HS6ST2: variants seen among roughly 807,000 people sequenced by gnomAD.
HS6ST2 encodes the protein heparan-sulfate 6-O-sulfotransferase 2.
In HS6ST2, 17 loss-of-function variants were observed where a neutral mutation model predicts 33.0. The observed-to-expected ratio is 0.52, with a 90% CI of 0.35 to 0.77. The LOEUF (loss-of-function observed/expected upper bound fraction) is 0.77, where lower values mean the gene tolerates loss of function less well. HS6ST2 is among the 30% of genes least tolerant of loss of function. The probability of loss-of-function intolerance (pLI) is 0.01; values close to 1 mark genes in which losing one functional copy is unlikely to be tolerated. For synonymous variants in HS6ST2, 248 were observed against 237.1 expected (o/e 1.05, Z -0.42); for missense variants, 519 against 551.7 (o/e 0.94, Z 0.59).
chrX:132,742,914 A>T (rs1490035622), intron 2 of HS6ST2, among the ~76,000 whole-genome samples: 1 of 111,959 alleles, frequency 8.9e-6, no homozygotes, highest in Non-Finnish European at 1.9e-5. Context: ...ATGCCTCCAG[A>T]TGACCAGCAG....
At chrX:132,669,270 T>G (rs1322758806) in intron 3 of HS6ST2, 71 bp from the exon 4 acceptor site, 1 of 928,824 alleles carries the variant, frequency 1.1e-6, no homozygotes, top group African/African-American at 2.0e-5. Context: ...ATTAGTCACT[T>G]CATTTAAAGA....
chrX:132,745,899 T>G, intron 2 of HS6ST2, among the ~76,000 whole-genome samples: 1 of 112,239 alleles, frequency 8.9e-6, no homozygotes. Flanking sequence ...TATCAGTTTC[T>G]GTTTTTTTCT....
chrX:132,641,884 A>G (rs1462082418), intron 4 of HS6ST2, among the ~76,000 whole-genome samples: 11 of 112,327 alleles, frequency 9.8e-5, no homozygotes, highest in African/African-American at 3.6e-4. Flanking sequence ...GAGGGATCCA[A>G]TTCTGTGGTT....
chrX:132,671,941 A>G (rs1397052534), intron 3 of HS6ST2, among the ~76,000 whole-genome samples: 1 of 111,682 alleles, frequency 9.0e-6, no homozygotes, highest in African/African-American at 3.3e-5. Context: ...TGTACTAATG[A>G]CTGTGGTATA....
At chrX:132,880,404 C>T (rs1490833109) in intron 2 of HS6ST2, among the ~76,000 whole-genome samples, 1 of 108,868 alleles carries the variant, frequency 9.2e-6, no homozygotes, top group Non-Finnish European at 1.9e-5. Flanking sequence ...GGCGTGGTGG[C>T]ATGCACCTGT....
At chrX:132,668,582 G>A (rs1409229037) in intron 4 of HS6ST2, among the ~76,000 whole-genome samples, 1 of 111,413 alleles carries the variant, frequency 9.0e-6, no homozygotes, top group African/African-American at 3.3e-5. Flanking sequence ...GCTTCATGTA[G>A]GACTTGGTGC....
intron 3 of HS6ST2, among the ~76,000 whole-genome samples, chrX:132,707,971 G>A (rs2064199521): frequency 1.8e-5 from 2 of 111,522 alleles, no homozygotes; most frequent in Middle Eastern, 4.6e-3. Context: ...GCAAGTCTAC[G>A]TATTTACATA....
chrX:132,793,248 A>G (rs1344908313), intron 2 of HS6ST2, among the ~76,000 whole-genome samples: 2 of 107,406 alleles, frequency 1.9e-5, no homozygotes, highest in Non-Finnish European at 3.8e-5. Flanking sequence ...TTTAGTAGAG[A>G]TGGGGTTTCA....
At chrX:132,739,204 C>T (rs1012867361) in intron 2 of HS6ST2, among the ~76,000 whole-genome samples, 3 of 111,373 alleles carry the variant, frequency 2.7e-5, no homozygotes, top group Non-Finnish European at 5.6e-5. Context: ...TTGCCAGAGG[C>T]GGTGAGCAAG....
Position 132,957,241 on chromosome X carries a change from C to G in HS6ST2, c.514G>C (p.Val172Leu). 1 of 1,200,699 alleles carries G rather than the reference C, an allele frequency of 8.3e-7. No homozygotes were observed. Among genetic ancestry groups the G allele is most frequent in the Non-Finnish European group, 1.1e-6 (1 of 889,509 alleles). ...AGCTGGCATTCTGTGCCGGGGCACACGTATTGGAGGACGATCACGGCAAAT... is the reference window on the plus strand; with the variant it reads ...AGCTGGCATTCTGTGCCGGGGCACAGGTATTGGAGGACGATCACGGCAAAT... ...FLFAVIVLQY[V>L]CPGTECQLLR... The change falls in exon 2 of 5, where the codon GTG becomes CTG. Residue 172 changes from valine to leucine, a missense_variant. Coordinates refer to ENST00000370833, the MANE Select transcript of HS6ST2 (RefSeq NM_001394073.1).
chrX:132,788,294 A>G (rs1277159966), intron 2 of HS6ST2, among the ~76,000 whole-genome samples: 2 of 111,556 alleles, frequency 1.8e-5, no homozygotes, highest in Admixed American at 9.6e-5. Flanking sequence ...CATTATTACT[A>G]TATCTGTTAT....
At chrX:132,879,389 C>T (rs2066142042) in intron 2 of HS6ST2, among the ~76,000 whole-genome samples, 1 of 111,815 alleles carries the variant, frequency 8.9e-6, no homozygotes, top group South Asian at 3.8e-4. Context: ...AAACTGTAAC[C>T]CATTTCAGGC....
intron 2 of HS6ST2, among the ~76,000 whole-genome samples, chrX:132,805,358 G>A (rs2065271299): frequency 9.0e-6 from 1 of 111,251 alleles, no homozygotes; most frequent in African/African-American, 3.3e-5. Flanking sequence ...GGAAATGAGA[G>A]GAGGGGAGAA....
rs1158422241 is a variant in HS6ST2, at chrX:132,885,932, CAAAGAA to C, written c.947+70870_947+70875del. On this transcript the variant is annotated intron_variant, in intron 2 of 4. Coordinates refer to ENST00000370833, the MANE Select transcript of HS6ST2 (RefSeq NM_001394073.1). Reference sequence around the variant, plus strand: ...AGAAACTACCAAACAAACAAACAAACAAAGAAAAACAGCAACAACACCAACCATCAG... The same window carrying C: ...AGAAACTACCAAACAAACAAACAAACAAACAGCAACAACACCAACCATCAG... Among the ~76,000 whole-genome samples, 18 of 111,800 alleles carry C rather than the reference CAAAGAA, an allele frequency of 1.6e-4. No individual in the cohort carries two copies. The East Asian group carries it at 5.1e-3, about 31-fold the overall frequency.
intron 2 of HS6ST2, among the ~76,000 whole-genome samples, chrX:132,755,146 T>C (rs2064747026): frequency 8.9e-6 from 1 of 112,594 alleles, no homozygotes; most frequent in Non-Finnish European, 1.9e-5. Flanking sequence ...GATGTGTCTA[T>C]CATCCATTTA....
At chrX:132,912,690 T>C (rs745446051) in intron 2 of HS6ST2, among the ~76,000 whole-genome samples, 4 of 112,092 alleles carry the variant, frequency 3.6e-5, no homozygotes, top group Admixed American at 9.5e-5. Context: ...CAGATGGGGC[T>C]CTATTCTGCT....
chrX:132,684,224 C>CAT (rs764280543), intron 3 of HS6ST2, among the ~76,000 whole-genome samples: 1,114 of 94,448 alleles, frequency 0.012, 5 homozygotes, highest in South Asian at 0.04. Context: ...CATATATATA[C>CAT]ATATATATAT....
chrX:132,950,501 C>CT (rs750834740), intron 2 of HS6ST2, among the ~76,000 whole-genome samples: 1 of 112,223 alleles, frequency 8.9e-6, no homozygotes, highest in South Asian at 3.7e-4. Context: ...GCACTGTCTA[C>CT]TTTTTTTGTT....
At chrX:132,655,218 A>C (rs2063722149) in intron 4 of HS6ST2, among the ~76,000 whole-genome samples, 1 of 112,106 alleles carries the variant, frequency 8.9e-6, no homozygotes, top group South Asian at 3.7e-4. Context: ...TTAATAAACA[A>C]ATGAATGGCA....
Sources: allele counts gnomAD v4.1 joint callset (sites outside exome capture counted in the v4.1 genomes callset), GRCh38; gene constraint gnomAD v4.1.1; transcripts MANE v1.5; gene names NCBI Gene and HGNC (gene_info 2026-07-23, HGNC 2026-07-21).